Variants in DHRS7 observed in about 807,000 individuals in gnomAD.
DHRS7 encodes the protein dehydrogenase/reductase 7.
In DHRS7, 34 loss-of-function variants were observed where a neutral mutation model predicts 38.9. That is an observed-to-expected ratio of 0.87 (90% CI 0.66 to 1.16). The LOEUF is 1.16. Ranked by LOEUF, DHRS7 falls within the 50% of genes most tolerant of loss-of-function variation. The probability of loss-of-function intolerance (pLI) is 0.00; values close to 1 mark genes in which losing one functional copy is unlikely to be tolerated. For synonymous variants in DHRS7, 158 were observed against 153.1 expected (o/e 1.03, Z -0.24); for missense variants, 421 against 407.0 (o/e 1.03, Z -0.30).
rs913047445 is a variant in DHRS7 at position 60,153,520 on chromosome 14, C to T, written c.394-342G>A. On this transcript the variant is annotated intron_variant, in intron 3 of 6. Coordinates refer to ENST00000557185, the MANE Select transcript of DHRS7 (RefSeq NM_016029.4). The surrounding 1 kb of genome is among the most constrained non-coding windows in gnomAD (Gnocchi z 4.4). The stretch of plus-strand genomic sequence containing the variant: ...GACCAGCCTGACCAACATGGTGAAA[C>T]CCCATCTCTACTAAAAAATATAAAA... Among the ~76,000 whole-genome samples, 3 of 152,076 alleles carry T rather than the reference C, an allele frequency of 2.0e-5. No individual in the cohort carries two copies. In the South Asian group the frequency reaches 6.2e-4, roughly 32 times the overall value.
intron 1 of DHRS7, among the ~76,000 whole-genome samples, chr14:60,158,793 A>C (rs1407217317): frequency 6.6e-6 from 1 of 152,174 alleles, no homozygotes; most frequent in African/African-American, 2.4e-5. Context: ...TAATTCCCTC[A>C]CAGGATGAGG....
chr14:60,164,969 G>A (rs1896837151), intron 1 of DHRS7, among the ~76,000 whole-genome samples: 1 of 152,202 alleles, frequency 6.6e-6, no homozygotes, highest in African/African-American at 2.4e-5. Flanking sequence ...GCCATCTTCC[G>A]ACCAGTACAG....
Position 60,144,737 on chromosome 14 carries a change from A to G in DHRS7, c.*229T>C, listed in dbSNP as rs77784211. The G allele has an allele frequency of 9.6e-4, 449 of 468,792 alleles. 1 individual carries two copies. Among genetic ancestry groups the G allele is most frequent in the Non-Finnish European group, 1.5e-3 (398 of 269,838 alleles). 29.0% of individuals were successfully genotyped at this position (468,792 alleles called of 1,614,324 possible). A position where few individuals can be genotyped will look rare whatever the true frequency, so the allele number is the denominator to read the frequency against. ...TTAAGCATATGTGCTAAAGTATTTT[A>G]AAAGGTTATTTTATCCAAGAATATA... On this transcript the variant is annotated 3_prime_UTR_variant, in exon 7 of 7. Transcript: ENST00000557185.
upstream of DHRS7, chr14:60,168,655 CT>C (rs1896895976): frequency 6.6e-7 from 1 of 1,526,540 alleles, no homozygotes; most frequent in Admixed American, 2.3e-5. Flanking sequence ...CTGATCAATG[CT>C]TTTTCCTCTC....
Position 60,161,148 on chromosome 14 carries a change from T to A in DHRS7, c.133+4029A>T, listed in dbSNP as rs1896758009. On this transcript the variant is annotated intron_variant, in intron 1 of 6. Transcript: ENST00000557185. The surrounding 1 kb of genome is among the most constrained non-coding windows in gnomAD (Gnocchi z 4.2). ...GTTTTAGTCACTTTTAACAATTTTT[T>A]AAAATTCAGTTTGTAGACTCCATTT... Among the ~76,000 whole-genome samples, 1 of 152,190 alleles carries A rather than the reference T, an allele frequency of 6.6e-6. No homozygotes were observed. The highest frequency in any genetic ancestry group is 6.5e-5 in the Admixed American group (1 of 15,274).
Position 60,153,832 on chromosome 14 carries a change from C to A in DHRS7, c.393+127G>T, listed in dbSNP as rs1896600455. On this transcript the variant is annotated intron_variant, in intron 3 of 6. Coordinates refer to ENST00000557185, the MANE Select transcript of DHRS7 (RefSeq NM_016029.4). This position sits in a 1 kb window ranked among gnomAD's most constrained non-coding sequence, Gnocchi z 4.4. ...AAGGCTCAGAGATTAAGGGGCCCAA[C>A]TCATGGGCCCGATCTCACTGCATGG... The A allele has an allele frequency of 1.4e-6, 1 of 694,868 alleles. No homozygotes were observed. The highest frequency in any genetic ancestry group is 2.5e-6 in the Non-Finnish European group (1 of 403,052). 43.0% of individuals were successfully genotyped at this position (694,868 alleles called of 1,614,324 possible).
At position 60,153,186 on chromosome 14, in the gene DHRS7, A is replaced by C; in HGVS notation, c.394-8T>G. The C allele has an allele frequency of 6.2e-7, 1 of 1,613,982 alleles. No individual in the cohort carries two copies. Among genetic ancestry groups the C allele is most frequent in the South Asian group, 1.1e-5 (1 of 91,070 alleles). ...GTTGACCAGAATGTCGATCTAGTTA[A>C]ATAAAATCAGAAAAGGGGTGTTTGG... On this transcript the variant is annotated splice_region_variant and splice_polypyrimidine_tract_variant and intron_variant, in intron 3 of 6. Coordinates refer to ENST00000557185, the MANE Select transcript of DHRS7 (RefSeq NM_016029.4). This position sits in a 1 kb window ranked among gnomAD's most constrained non-coding sequence, Gnocchi z 4.4.
At position 60,146,727 on chromosome 14, in the gene DHRS7, T is replaced by C. The variant is rs1331002278; in HGVS notation, c.973-1714A>G. The C allele has an allele frequency of 6.6e-6, 1 of 152,144 alleles. No individual in the cohort carries two copies. Among genetic ancestry groups the C allele is most frequent in the African/African-American group, 2.4e-5 (1 of 41,416 alleles). 9.4% of individuals were successfully genotyped at this position (152,144 alleles called of 1,614,324 possible). On this transcript the variant is annotated intron_variant, in intron 6 of 6. Transcript: ENST00000557185. The surrounding 1 kb of genome is among the most constrained non-coding windows in gnomAD (Gnocchi z 4.9). Reference sequence around the variant, plus strand: ...TGGAATATTATTCCACAATGGAATATTTTTCAGCCATAAAACAATGGAACT... The same window carrying C: ...TGGAATATTATTCCACAATGGAATACTTTTCAGCCATAAAACAATGGAACT...
At position 60,165,253 on chromosome 14, in the gene DHRS7, CA is replaced by C; in HGVS notation, c.56del (p.Leu19TrpfsTer8). 6.2e-7 allele frequency: 1 copy of C among 1,608,592 alleles called. No homozygotes were observed. Among genetic ancestry groups the C allele is most frequent in the South Asian group, 1.1e-5 (1 of 90,580 alleles). ...LLVLCALLLLLVQLLRFLRAD... is the reference protein window; with the variant it reads ...LLVLCALLLLXVQLLRFLRAD... ...CCCTCAGGAAGCGCAGCAGCTGCAC[CA>C]AGAGCAGGAGCAGCGCGCACAGCAC... On this transcript the variant is annotated frameshift_variant, in exon 1 of 7. Coordinates refer to ENST00000557185, the MANE Select transcript of DHRS7 (RefSeq NM_016029.4). LOFTEE classifies it high-confidence loss of function. This position sits in a 1 kb window ranked among gnomAD's most constrained non-coding sequence, Gnocchi z 4.6.
At position 60,153,056 on chromosome 14, in the gene DHRS7, A is replaced by C. The variant is rs1272558457; in HGVS notation, c.516T>G (p.Cys172Trp). The C allele has an allele frequency of 1.9e-6, 3 of 1,614,248 alleles. No individual in the cohort carries two copies. Among genetic ancestry groups the C allele is most frequent in the African/African-American group, 1.3e-5 (1 of 75,058 alleles). The change falls in exon 4 of 7, where the codon TGT becomes TGG. Residue 172 changes from cysteine to tryptophan, a missense_variant. By Grantham distance (215) the Cys-to-Trp change is radical. Coordinates refer to ENST00000557185, the MANE Select transcript of DHRS7 (RefSeq NM_016029.4). This position sits in a 1 kb window ranked among gnomAD's most constrained non-coding sequence, Gnocchi z 4.4. ...NYLGTVSLTK[C>W]VLPHMIERKQ... The stretch of plus-strand genomic sequence containing the variant: ...TCCTCTCGATCATGTGAGGCAGAAC[A>C]CATTTTGTCAAGGACACCGTCCCTA...
chr14:60,145,101 G>T lies in DHRS7; in HGVS notation c.973-88C>A. ...TTAAGTCCTTCTGTTTTGAGGAGCT[G>T]TATCATTATGATTCACTATTAAGAA... is the stretch of plus-strand genomic sequence containing the variant. On this transcript the variant is annotated intron_variant, in intron 6 of 6. Transcript: ENST00000557185. The surrounding 1 kb of genome is among the most constrained non-coding windows in gnomAD (Gnocchi z 4.0). 4.7e-6 allele frequency: 4 copies of T among 856,176 alleles called. No individual in the cohort carries two copies. The South Asian group carries it at 8.1e-5, about 17-fold the overall frequency. The allele number at this position is 856,176 out of a possible 1,614,324, so 53.0% of individuals were successfully genotyped here.
chr14:60,154,095 T>C (rs1369516070), intron 2 of DHRS7, 30 bp from the exon 3 acceptor site: 1 of 1,574,748 alleles, frequency 6.4e-7, no homozygotes, highest in Admixed American at 1.7e-5. Flanking sequence ...TGTGTGGAAG[T>C]CATGCCATAG....
chr14:60,156,266 G>T, intron 1 of DHRS7, 114 bp from the exon 2 acceptor site: 2 of 825,492 alleles, frequency 2.4e-6, no homozygotes, highest in Non-Finnish European at 1.7e-6. Flanking sequence ...ATGAAGGCAT[G>T]ATGTATAGAG....
Position 60,144,331 on chromosome 14 carries a change from G to A in DHRS7, c.*635C>T, listed in dbSNP as rs1896345536. On this transcript the variant is annotated 3_prime_UTR_variant, in exon 7 of 7. Coordinates refer to ENST00000557185, the MANE Select transcript of DHRS7 (RefSeq NM_016029.4). ...CTATACATTTATGTTGCTATGGTTT[G>A]GATGTTTTTGTCCCCTCCAAAATTC... 6.6e-6 allele frequency: 1 copy of A among 152,374 alleles called. No homozygotes were observed. The highest frequency in any genetic ancestry group is 1.5e-5 in the Non-Finnish European group (1 of 68,220). 9.4% of individuals were successfully genotyped at this position (152,374 alleles called of 1,614,324 possible).
intron 6 of DHRS7, 168 bp downstream of exon 6, chr14:60,149,185 T>A (rs1293468412): frequency 4.8e-6 from 3 of 628,114 alleles, no homozygotes; most frequent in Non-Finnish European, 5.7e-6. Flanking sequence ...GTTGGCCAGG[T>A]TGGTCTTGAA....
intron 1 of DHRS7, chr14:60,159,187 T>C (rs200529788): frequency 5.6e-6 from 2 of 355,330 alleles, no homozygotes; most frequent in South Asian, 5.0e-5. Flanking sequence ...CACTTCAAGA[T>C]CTCCCTGTCA....
intron 2 of DHRS7, among the ~76,000 whole-genome samples, chr14:60,155,320 A>T (rs1896635428): frequency 6.6e-6 from 1 of 152,090 alleles, no homozygotes; most frequent in East Asian, 1.9e-4. Flanking sequence ...GTGGTGGTGC[A>T]CGTCTGTGGC....
At chr14:60,165,484 CGCGGCCCCACTCGCGGTCCTTGG>C (rs1896855043), upstream of DHRS7, 1 of 1,332,182 alleles carries the variant, frequency 7.5e-7, no homozygotes, top group African/African-American at 1.6e-5. This position sits in a 1 kb window ranked among gnomAD's most constrained non-coding sequence, Gnocchi z 4.6. Context: ...GCTCAGCACT[CGCGGCCCCACTCGCGGTCCTTGG>C]GCGGCCCGCG....
At position 60,148,326 on chromosome 14, in the gene DHRS7, T is replaced by C. The variant is rs184395408; in HGVS notation, c.972+1027A>G. ...TTGATTAATTTCTAAAAGAAGGTGG[T>C]AACAAAGTATATCAAAGGCTAACAG... On this transcript the variant is annotated intron_variant, in intron 6 of 6. Transcript: ENST00000557185. This position sits in a 1 kb window ranked among gnomAD's most constrained non-coding sequence, Gnocchi z 4.8. 25 of 152,326 alleles carry C rather than the reference T, an allele frequency of 1.6e-4. No individual in the cohort carries two copies. The East Asian group carries it at 4.6e-3, about 28-fold the overall frequency. 9.4% of individuals were successfully genotyped at this position (152,326 alleles called of 1,614,324 possible). A position where few individuals can be genotyped will look rare whatever the true frequency, so the allele number is the denominator to read the frequency against.
Sources: allele counts gnomAD v4.1 joint callset (sites outside exome capture counted in the v4.1 genomes callset), GRCh38; gene constraint gnomAD v4.1.1; non-coding constraint Gnocchi (gnomAD v3.1); transcripts MANE v1.5; gene names NCBI Gene and HGNC (gene_info 2026-07-23, HGNC 2026-07-21).